ZFP90: variants seen among roughly 807,000 people sequenced by gnomAD.
ZFP90 encodes ZFP90 zinc finger protein.
A neutral mutation model predicts 60.8 loss-of-function variants in ZFP90; 38 were observed. That is an observed-to-expected ratio of 0.62 (90% confidence interval 0.48 to 0.82). The LOEUF (loss-of-function observed/expected upper bound fraction) is 0.82. Ranked by LOEUF, ZFP90 falls within the 40% of genes least tolerant of loss-of-function variation. The pLI is 0.00. For synonymous variants in ZFP90, 287 were observed against 264.8 expected, an observed-to-expected ratio of 1.08 and a Z score of -0.82; for missense variants, 711 against 759.1, an observed-to-expected ratio of 0.94 and a Z score of 0.74.
upstream of ZFP90, chr16:68,539,200 G>A (rs2090987603): frequency 6.6e-6 from 1 of 152,368 alleles, no homozygotes; most frequent in African/African-American, 2.4e-5. Context: ...CGCCTAGGCG[G>A]GGCCTGCGCG....
chr16:68,557,872 A>T, intron 2 of ZFP90, 126 bp from the exon 3 acceptor site: 1 of 1,303,584 alleles, frequency 7.7e-7, no homozygotes, highest in Non-Finnish European at 1.1e-6. Context: ...ATGTAACCCA[A>T]CATTGCCTCC....
intron 2 of ZFP90, among the ~76,000 whole-genome samples, chr16:68,573,439 T>C (rs559345818): frequency 1.3e-5 from 2 of 152,244 alleles, no homozygotes; most frequent in East Asian, 1.9e-4. Flanking sequence ...GATTATGCCA[T>C]TGCACCCCAG....
At position 68,558,486 on chromosome 16, in the gene ZFP90, C is replaced by T. The variant is rs759677477; in HGVS notation, c.174C>T (p.Ser58=). 4.3e-6 allele frequency: 7 copies of T among 1,613,904 alleles called. No individual in the cohort carries two copies. Among genetic ancestry groups the T allele is most frequent in the Non-Finnish European group, 5.9e-6 (7 of 1,179,972 alleles). ...SHLVSLGYQV[S]KPEVIFKLEQ... is the part of the protein sequence containing the mutation. ...ACCCATGAGCAGGATATCAAGTTTC[C>T]AAGCCAGAGGTGATCTTCAAATTGG... is the stretch of plus-strand genomic sequence containing the variant. The change falls in exon 4 of 5, where the codon TCC becomes TCT. Residue 58 remains serine (S), a synonymous_variant. Coordinates refer to ENST00000563169, the MANE Select transcript of ZFP90 (RefSeq NM_001305203.2).
downstream of ZFP90, among the ~76,000 whole-genome samples, chr16:68,569,080 C>T (rs2091553683): frequency 6.6e-6 from 1 of 151,396 alleles, no homozygotes; most frequent in African/African-American, 2.4e-5. Context: ...TATTCCACTC[C>T]TATATCCATC....
In ZFP90 at chr16:68,563,332, C is replaced by A. The variant is rs1208047254; in HGVS notation, c.545C>A (p.Pro182His). ...CTGAACATTCCTGCAAGAATAAGGC[C>A]TAGTGAATGTGAGACCCTTGGAAGC... ...TQLNIPARIR[P>H]SECETLGSNL... is the part of the protein sequence containing the mutation. Residue 182 changes from proline (P) to histidine (H), a missense_variant, in exon 5 of 5, where the codon CCT becomes CAT. By Grantham distance (77) the Pro-to-His change is moderately conservative. Coordinates refer to ENST00000563169, the MANE Select transcript of ZFP90 (RefSeq NM_001305203.2). 4 of 1,614,126 alleles carry A rather than the reference C, an allele frequency of 2.5e-6. No homozygotes were observed. Among genetic ancestry groups the A allele is most frequent in the Non-Finnish European group, 3.4e-6 (4 of 1,180,008 alleles).
At chr16:68,534,051 T>C (rs186998391) in intron 2 of ZFP90, among the ~76,000 whole-genome samples, 2 of 152,284 alleles carry the variant, frequency 1.3e-5, no homozygotes, top group East Asian at 3.9e-4. Flanking sequence ...TCTCTTCTTT[T>C]TCTGGAACCC....
chr16:68,571,166 G>C (rs1054847959), downstream of ZFP90, among the ~76,000 whole-genome samples: 1 of 152,198 alleles, frequency 6.6e-6, no homozygotes, highest in African/African-American at 2.4e-5. Flanking sequence ...CACAGCCTAT[G>C]ATTTCTGCAA....
chr16:68,541,513 G>T (rs946932576), intron 2 of ZFP90, among the ~76,000 whole-genome samples: 1 of 151,750 alleles, frequency 6.6e-6, no homozygotes, highest in Non-Finnish European at 1.5e-5. Context: ...TAAAGATGGG[G>T]TTTCACCATG....
chr16:68,565,549 T>G lies in ZFP90; in HGVS notation c.*851T>G. ...AACTACTAGTGACTTTTTTCCCCTT[T>G]TCCCAGTTACAATTATACTTTCAGC... On this transcript the variant is annotated 3_prime_UTR_variant, in exon 5 of 5. Coordinates refer to ENST00000563169, the MANE Select transcript of ZFP90 (RefSeq NM_001305203.2). The G allele has an allele frequency of 2.0e-6, 2 of 985,558 alleles. No homozygotes were observed. Among genetic ancestry groups the G allele is most frequent in the South Asian group, 9.4e-5 (2 of 21,290 alleles). 61.1% of individuals were successfully genotyped at this position (985,558 alleles called of 1,614,324 possible).
Position 68,565,975 on chromosome 16 carries a change from A to T in ZFP90, c.*1277A>T. 1 of 779,068 alleles carries T rather than the reference A, an allele frequency of 1.3e-6. No individual in the cohort carries two copies. The highest frequency in any genetic ancestry group is 1.6e-6 in the Non-Finnish European group (1 of 644,308). The allele number at this position is 779,068 out of a possible 1,614,324, so 48.3% of individuals were successfully genotyped here. A position where few individuals can be genotyped will look rare whatever the true frequency, so the allele number is the denominator to read the frequency against. On this transcript the variant is annotated 3_prime_UTR_variant, in exon 5 of 5. Coordinates refer to ENST00000563169, the MANE Select transcript of ZFP90 (RefSeq NM_001305203.2). ...CCCCATCTCTTTAAAAAAAAAAAAA[A>T]ATCCAAAAATTAGCTGGGCATGGTG... is the stretch of plus-strand genomic sequence containing the variant.
At chr16:68,550,365 T>G (rs1274800604) in intron 2 of ZFP90, among the ~76,000 whole-genome samples, 1 of 152,144 alleles carries the variant, frequency 6.6e-6, no homozygotes, top group Non-Finnish European at 1.5e-5. Flanking sequence ...GTTCAAGCCA[T>G]TCTCCTGCCT....
At chr16:68,559,061 C>G (rs1443775712) in intron 4 of ZFP90, among the ~76,000 whole-genome samples, 3 of 152,162 alleles carry the variant, frequency 2.0e-5, no homozygotes, top group African/African-American at 4.8e-5. Flanking sequence ...CTCCACAGTT[C>G]TGTAGTATCC....
intron 2 of ZFP90, among the ~76,000 whole-genome samples, chr16:68,545,992 T>C (rs2091143492): frequency 6.6e-6 from 1 of 151,580 alleles, no homozygotes; most frequent in African/African-American, 2.4e-5. Flanking sequence ...CTGGGCCACA[T>C]AGTGAAACCC....
At position 68,553,597 on chromosome 16, in the gene ZFP90, A is replaced by G. The variant is rs117132083; in HGVS notation, c.34-4401A>G. Among the ~76,000 whole-genome samples, 225 of 152,070 alleles carry G rather than the reference A, an allele frequency of 1.5e-3. 3 individuals carry two copies. The East Asian group carries it at 0.04, about 27-fold the overall frequency. ...CATTGGAGGCCTTGAAACAGAGGTG[A>G]CTTGATCTGGCAGATTTTTGTTTTG... On this transcript the variant is annotated intron_variant, in intron 2 of 4. Transcript: ENST00000563169.
intron 2 of ZFP90, among the ~76,000 whole-genome samples, chr16:68,547,320 T>C (rs147017786): frequency 9.3e-4 from 141 of 152,342 alleles, no homozygotes; most frequent in African/African-American, 3.2e-3. Flanking sequence ...TGAGGTGATA[T>C]CTCATTGTAG....
At chr16:68,560,963 C>G (rs192212685) in intron 4 of ZFP90, among the ~76,000 whole-genome samples, 1 of 150,480 alleles carries the variant, frequency 6.6e-6, no homozygotes, top group South Asian at 2.1e-4. Flanking sequence ...GGCATGATCT[C>G]GTCTCACTGC....
At position 68,539,813 on chromosome 16, in the gene ZFP90, C is replaced by T. The variant is rs1424504713; in HGVS notation, c.21C>T (p.Thr7=). The T allele has an allele frequency of 8.7e-6, 14 of 1,605,314 alleles. No homozygotes were observed. The highest frequency in any genetic ancestry group is 1.1e-5 in the Non-Finnish European group (13 of 1,177,578). MAPRPP[T]AAPQESVTFK... Reference sequence around the variant, plus strand: ...CAGGAATGGCCCCGAGGCCTCCGACCGCCGCGCCCCAGGTGAGCAACGCGT... The same window carrying T: ...CAGGAATGGCCCCGAGGCCTCCGACTGCCGCGCCCCAGGTGAGCAACGCGT... The change falls in exon 2 of 5, where the codon ACC becomes ACT. Residue 7 remains threonine (T), a synonymous_variant. Transcript: ENST00000563169.
rs375967456 is a variant in ZFP90 at position 68,548,814 on chromosome 16, CT to C, written c.33+8993del. The stretch of plus-strand genomic sequence containing the variant: ...CTTATCCTCCTATCTTTAAGTTCAT[CT>C]TTTAAAAATTTCTTCTTACTCGATT... On this transcript the variant is annotated intron_variant, in intron 2 of 4. Transcript: ENST00000563169. 1.6e-3 allele frequency among the ~76,000 whole-genome samples: 251 copies of C among 152,208 alleles called. 3 individuals are homozygous for C. In the South Asian group the frequency reaches 0.048, roughly 29 times the overall value.
chr16:68,562,553 A>T (rs781042744), intron 4 of ZFP90: 40 of 171,700 alleles, frequency 2.3e-4, no homozygotes, highest in Non-Finnish European at 4.4e-4. Context: ...AACTGAGAAA[A>T]TGCAGTATTT....
Sources: gnomAD v4.1 joint callset for allele counts (sites outside exome capture counted in the v4.1 genomes callset) on GRCh38, gnomAD v4.1.1 for gene constraint, MANE v1.5 for transcripts, NCBI Gene and HGNC (gene_info 2026-07-23, HGNC 2026-07-21) for gene names.